KDM2B: variants seen among roughly 807,000 people sequenced by gnomAD.
KDM2B encodes lysine demethylase 2B.
In KDM2B, 26 loss-of-function variants were observed where a neutral mutation model predicts 150.0. The observed-to-expected ratio is 0.17, with a 90% CI of 0.13 to 0.24. The LOEUF (loss-of-function observed/expected upper bound fraction) is 0.24. Ranked by LOEUF, KDM2B falls within the 10% of genes least tolerant of loss-of-function variation. The pLI, the probability that KDM2B is intolerant of heterozygous loss-of-function variation, is 1.00. For synonymous variants in KDM2B, 734 were observed against 729.5 expected, an observed-to-expected ratio of 1.01 and a Z score of -0.10; for missense variants, 1,265 against 1,816.9, an observed-to-expected ratio of 0.70 and a Z score of 5.52.
intron 1 of KDM2B, 160 bp from the exon 2 acceptor site, chr12:121,579,106 G>A (rs1347128546): frequency 2.6e-6 from 2 of 774,598 alleles, no homozygotes; most frequent in African/African-American, 3.5e-5. Flanking sequence ...ATGCTGAAAA[G>A]CAGGACAAGG....
At chr12:121,456,338 G>A (rs542988761) in intron 12 of KDM2B, among the ~76,000 whole-genome samples, 18 of 152,282 alleles carry the variant, frequency 1.2e-4, no homozygotes, top group South Asian at 1.0e-3. Flanking sequence ...CCAGAGAAGC[G>A]GAAATCCAAA....
intron 11 of KDM2B, among the ~76,000 whole-genome samples, chr12:121,495,523 C>T (rs976367115): frequency 6.6e-6 from 1 of 152,210 alleles, no homozygotes; most frequent in Non-Finnish European, 1.5e-5. Context: ...TTGTCTCAAA[C>T]TCCTGGCCTC....
chr12:121,543,802 G>A (rs1888794035), intron 6 of KDM2B, among the ~76,000 whole-genome samples: 1 of 151,204 alleles, frequency 6.6e-6, no homozygotes, highest in African/African-American at 2.4e-5. Context: ...TGGCGACAGA[G>A]TGAGACTCCG....
intron 4 of KDM2B, among the ~76,000 whole-genome samples, chr12:121,561,714 A>G (rs1890351395): frequency 6.6e-6 from 1 of 152,132 alleles, no homozygotes; most frequent in Non-Finnish European, 1.5e-5. Flanking sequence ...CAATCACTGA[A>G]AGTCAAACCT....
intron 12 of KDM2B, among the ~76,000 whole-genome samples, chr12:121,491,283 G>A (rs1555299859): frequency 6.6e-6 from 1 of 152,110 alleles, no homozygotes; most frequent in African/African-American, 2.4e-5. Flanking sequence ...GCACTGGGGC[G>A]ATAACACCCT....
chr12:121,429,692 GAAGTACACGTTAAATT>G lies in KDM2B; in HGVS notation c.*580_*595del, dbSNP rs1227090422. ...ACATTTGTAGATGGGTTGTGTCGATGAAGTACACGTTAAATTCTCTCCTACCTTAAGGAAATCAGGA... is the reference window on the plus strand; with the variant it reads ...ACATTTGTAGATGGGTTGTGTCGATGCTCTCCTACCTTAAGGAAATCAGGA... On this transcript the variant is annotated 3_prime_UTR_variant, in exon 23 of 23. Coordinates refer to ENST00000377071, the MANE Select transcript of KDM2B (RefSeq NM_032590.5). 1.4e-5 allele frequency: 5 copies of G among 358,402 alleles called. No homozygotes were observed. The highest frequency in any genetic ancestry group is 1.5e-5 in the Non-Finnish European group (3 of 198,784). 22.2% of individuals were successfully genotyped at this position (358,402 alleles called of 1,614,324 possible).
At chr12:121,551,026 C>T (rs1889447213) in intron 4 of KDM2B, among the ~76,000 whole-genome samples, 1 of 152,074 alleles carries the variant, frequency 6.6e-6, no homozygotes, top group African/African-American at 2.4e-5. Flanking sequence ...TTGCAACAGA[C>T]CAAATGGCCT....
At position 121,513,604 on chromosome 12, in the gene KDM2B, C is replaced by T. The variant is rs569616321; in HGVS notation, c.1048-202G>A. 2.0e-5 allele frequency among the ~76,000 whole-genome samples: 3 copies of T among 152,090 alleles called. No individual in the cohort carries two copies. Among genetic ancestry groups the T allele is most frequent in the Admixed American group, 2.0e-4 (3 of 15,274 alleles). ...CACAAATGAGGCGGAGGACGAGGCC[C>T]GCATGAGCGCCTCATCTCAAAGGTC... On this transcript the variant is annotated intron_variant, in intron 9 of 22. Coordinates refer to ENST00000377071, the MANE Select transcript of KDM2B (RefSeq NM_032590.5). This position sits in a 1 kb window ranked among gnomAD's most constrained non-coding sequence, Gnocchi z 5.0.
intron 8 of KDM2B, among the ~76,000 whole-genome samples, chr12:121,525,267 T>C (rs1454202375): frequency 1.3e-5 from 2 of 152,222 alleles, no homozygotes; most frequent in East Asian, 3.9e-4. Context: ...TGTTGTTTTG[T>C]TGGGTTTTTG....
chr12:121,530,730 G>A (rs879966962), intron 8 of KDM2B, among the ~76,000 whole-genome samples: 2 of 151,948 alleles, frequency 1.3e-5, no homozygotes, highest in Non-Finnish European at 2.9e-5. Flanking sequence ...AGACAGCCAC[G>A]CCCACACCCC....
chr12:121,444,907 G>T (rs1251724462), intron 14 of KDM2B: 2 of 422,806 alleles, frequency 4.7e-6, no homozygotes, highest in Non-Finnish European at 8.7e-6. Flanking sequence ...ACTCTACTGG[G>T]TGCTGGGGGA....
At chr12:121,580,109 C>T (rs1367544019) in intron 1 of KDM2B, 5 of 1,577,448 alleles carry the variant, frequency 3.2e-6, no homozygotes, top group African/African-American at 1.4e-5. Context: ...GCATTTTGGC[C>T]GAGGGGGGAA....
intron 22 of KDM2B, among the ~76,000 whole-genome samples, chr12:121,435,473 G>T (rs537928605): frequency 1.2e-4 from 19 of 152,250 alleles, no homozygotes; most frequent in African/African-American, 4.3e-4. Flanking sequence ...TCTTGCATTG[G>T]AAGTGACATG....
At chr12:121,551,499 C>T (rs1889491164) in intron 4 of KDM2B, among the ~76,000 whole-genome samples, 1 of 152,048 alleles carries the variant, frequency 6.6e-6, no homozygotes, top group South Asian at 2.1e-4. Context: ...GGCGGCACCA[C>T]CACATCCAAC....
intron 12 of KDM2B, among the ~76,000 whole-genome samples, chr12:121,491,037 C>A (rs1883288520): frequency 6.6e-6 from 1 of 152,148 alleles, no homozygotes; most frequent in African/African-American, 2.4e-5. Context: ...CCGGGCAGCC[C>A]AGGCAGTCAG....
In KDM2B at chr12:121,549,407, G is replaced by A. The variant is rs1456721962; in HGVS notation, c.576+53C>T. The A allele has an allele frequency of 3.4e-6, 5 of 1,489,712 alleles. No homozygotes were observed. The highest frequency in any genetic ancestry group is 4.5e-6 in the Non-Finnish European group (5 of 1,099,504). 92.3% of individuals were successfully genotyped at this position (1,489,712 alleles called of 1,614,324 possible). On this transcript the variant is annotated intron_variant, in intron 5 of 22. Coordinates refer to ENST00000377071, the MANE Select transcript of KDM2B (RefSeq NM_032590.5). The surrounding 1 kb of genome is among the most constrained non-coding windows in gnomAD (Gnocchi z 4.4). ...ACAACCCAGGTGGCAGGGGGACAGG[G>A]AAGGAGATGAGGTGGAAGGTATCTG...
At chr12:121,527,519 T>TGG (rs1278946298) in intron 8 of KDM2B, among the ~76,000 whole-genome samples, 1 of 150,364 alleles carries the variant, frequency 6.7e-6, no homozygotes, top group African/African-American at 2.4e-5. Flanking sequence ...CCGGGCATGG[T>TGG]GGCAGGCGCC....
intron 4 of KDM2B, among the ~76,000 whole-genome samples, chr12:121,554,513 C>G (rs1232796685): frequency 6.6e-6 from 1 of 151,746 alleles, no homozygotes; most frequent in African/African-American, 2.4e-5. Flanking sequence ...CAGGTTCAAG[C>G]GATTCTCCTG....
intron 12 of KDM2B, among the ~76,000 whole-genome samples, chr12:121,466,908 C>T (rs1555294912): frequency 6.8e-6 from 1 of 146,910 alleles, no homozygotes; most frequent in African/African-American, 2.4e-5. Context: ...CCCACATTGT[C>T]CCCGCGGTGC....
Sources: allele counts gnomAD v4.1 joint callset (sites outside exome capture counted in the v4.1 genomes callset), GRCh38; gene constraint gnomAD v4.1.1; non-coding constraint Gnocchi (gnomAD v3.1); transcripts MANE v1.5; gene names NCBI Gene and HGNC (gene_info 2026-07-23, HGNC 2026-07-21).